The following CAMK2D variants were observed in gnomAD, a reference collection of about 807,000 sequenced individuals.
The protein encoded by CAMK2D is calcium/calmodulin dependent protein kinase II delta, also known as calcium/calmodulin-dependent protein kinase type II subunit delta.
Under a neutral mutation model 84.0 loss-of-function variants are expected in CAMK2D, and 37 were observed. That is an observed-to-expected ratio of 0.44 (90% confidence interval 0.34 to 0.58). CAMK2D has a LOEUF of 0.58. Ranked by LOEUF, CAMK2D falls within the 20% of genes least tolerant of loss-of-function variation. CAMK2D has a pLI of 0.02. For synonymous variants in CAMK2D, 202 were observed against 212.5 expected, an observed-to-expected ratio of 0.95 and a Z score of 0.43; for missense variants, 448 against 652.5, an observed-to-expected ratio of 0.69 and a Z score of 3.41.
intron 4 of CAMK2D, among the ~76,000 whole-genome samples, chr4:113,598,662 T>C (rs1212769244): frequency 1.3e-5 from 2 of 152,216 alleles, no homozygotes; most frequent in Non-Finnish European, 2.9e-5. Flanking sequence ...TTATCCAAAA[T>C]ATACAAATAA....
intron 4 of CAMK2D, among the ~76,000 whole-genome samples, chr4:113,555,933 G>A (rs915686344): frequency 3.9e-5 from 6 of 152,040 alleles, no homozygotes; most frequent in African/African-American, 7.2e-5. Context: ...TCTTTTCTCC[G>A]TGTAGAGATA....
At chr4:113,568,426 G>A (rs1561031966) in intron 4 of CAMK2D, among the ~76,000 whole-genome samples, 1 of 152,172 alleles carries the variant, frequency 6.6e-6, no homozygotes, top group Non-Finnish European at 1.5e-5. Context: ...TTTTTAAGCT[G>A]TGTAATATTG....
At chr4:113,610,503 G>C (rs947461537) in intron 3 of CAMK2D, among the ~76,000 whole-genome samples, 1 of 152,040 alleles carries the variant, frequency 6.6e-6, no homozygotes, top group Non-Finnish European at 1.5e-5. Context: ...CAATGCCCAG[G>C]CTCATAGACT....
intron 8 of CAMK2D, among the ~76,000 whole-genome samples, chr4:113,519,447 A>G (rs1318289335): frequency 6.6e-6 from 1 of 152,194 alleles, no homozygotes; most frequent in African/African-American, 2.4e-5. Context: ...GAGTGTTTAC[A>G]AAAACATGTA....
chr4:113,700,523 T>C (rs767129357), intron 2 of CAMK2D, among the ~76,000 whole-genome samples: 5 of 152,118 alleles, frequency 3.3e-5, no homozygotes, highest in Admixed American at 6.6e-5. Flanking sequence ...TAAATAGCAC[T>C]ATCAAATAAC....
At chr4:113,494,461 G>A (rs1235260024) in intron 16 of CAMK2D, among the ~76,000 whole-genome samples, 3 of 152,268 alleles carry the variant, frequency 2.0e-5, no homozygotes, top group East Asian at 1.9e-4. Flanking sequence ...CGGGGGTCAG[G>A]GGTCAGGGAC....
chr4:113,595,733 G>A (rs1345024955), intron 4 of CAMK2D, among the ~76,000 whole-genome samples: 1 of 152,130 alleles, frequency 6.6e-6, no homozygotes, highest in Non-Finnish European at 1.5e-5. Flanking sequence ...AAAACAATGT[G>A]ACATATCATA....
intron 16 of CAMK2D, among the ~76,000 whole-genome samples, chr4:113,495,369 C>G (rs2097914533): frequency 6.6e-6 from 1 of 152,168 alleles, no homozygotes; most frequent in Admixed American, 6.5e-5. Context: ...GTATGCAAGA[C>G]AAGTCCTGAA....
At chr4:113,725,657 A>T (rs972226637) in intron 2 of CAMK2D, among the ~76,000 whole-genome samples, 1 of 152,130 alleles carries the variant, frequency 6.6e-6, no homozygotes, top group Non-Finnish European at 1.5e-5. Context: ...ATGTACTATC[A>T]ACAAACCTAA....
intron 9 of CAMK2D, among the ~76,000 whole-genome samples, chr4:113,515,854 A>G (rs995759168): frequency 3.9e-5 from 6 of 152,238 alleles, no homozygotes; most frequent in Admixed American, 2.6e-4. Flanking sequence ...ATCAAATCTT[A>G]TAACTTCCCA....
intron 14 of CAMK2D, among the ~76,000 whole-genome samples, chr4:113,504,291 G>C (rs921671939): frequency 9.2e-5 from 14 of 152,170 alleles, no homozygotes; most frequent in Admixed American, 7.9e-4. Flanking sequence ...CAAAGTGTTA[G>C]ACTAATTTAG....
chr4:113,541,723 T>C (rs1590950328), intron 6 of CAMK2D, among the ~76,000 whole-genome samples: 1 of 152,330 alleles, frequency 6.6e-6, no homozygotes, highest in South Asian at 2.1e-4. Context: ...AAAATTTCTT[T>C]CCTCTATTGG....
chr4:113,641,433 A>T (rs2154294619), intron 3 of CAMK2D, among the ~76,000 whole-genome samples: 1 of 152,362 alleles, frequency 6.6e-6, no homozygotes, highest in African/African-American at 2.4e-5. Context: ...AGAGTAGTTG[A>T]GAAAATTAAA....
rs562787815 is a variant in CAMK2D at position 113,700,915 on chromosome 4, A to T, written c.161-39143T>A. On this transcript the variant is annotated intron_variant, in intron 2 of 20. Coordinates refer to ENST00000511664, the MANE Select transcript of CAMK2D (RefSeq NM_001321571.2). ...AAGGAACCTGATCCATCCTTCAGGA[A>T]ATATCCATCACAGTCCATCATCAGA... Among the ~76,000 whole-genome samples, 3 of 152,324 alleles carry T rather than the reference A, an allele frequency of 2.0e-5. No homozygotes were observed. In the South Asian group the frequency reaches 6.2e-4, roughly 32 times the overall value.
At chr4:113,550,206 G>T (rs1299928582) in intron 5 of CAMK2D, among the ~76,000 whole-genome samples, 1 of 152,074 alleles carries the variant, frequency 6.6e-6, no homozygotes, top group Admixed American at 6.6e-5. Flanking sequence ...TTGAGACAGG[G>T]TCTCACTCTG....
chr4:113,505,995 TGTAAG>T (rs1198689014), intron 13 of CAMK2D, among the ~76,000 whole-genome samples: 2 of 152,150 alleles, frequency 1.3e-5, no homozygotes, highest in Non-Finnish European at 1.5e-5. Context: ...CAAACAAAAA[TGTAAG>T]GTAACGTTCA....
intron 13 of CAMK2D, among the ~76,000 whole-genome samples, chr4:113,509,075 T>TATTTTTCTTGCAAG (rs2098172283): frequency 6.6e-6 from 1 of 152,158 alleles, no homozygotes; most frequent in African/African-American, 2.4e-5. Flanking sequence ...ATCCTGCTGT[T>TATTTTTCTTGCAAG]ATTTTTCTTG....
At chr4:113,681,443 T>C (rs1266842685) in intron 2 of CAMK2D, among the ~76,000 whole-genome samples, 3 of 152,216 alleles carry the variant, frequency 2.0e-5, no homozygotes, top group East Asian at 1.9e-4. Flanking sequence ...CCTTCCACCA[T>C]GATTGTAAGT....
intron 16 of CAMK2D, among the ~76,000 whole-genome samples, chr4:113,496,445 GC>G (rs1292581533): frequency 7.9e-6 from 1 of 126,332 alleles, no homozygotes; most frequent in Non-Finnish European, 1.7e-5. Context: ...ACTCCCATTT[GC>G]TTTTTTTTTT....
Sources: gnomAD v4.1 joint callset for allele counts (sites outside exome capture counted in the v4.1 genomes callset) on GRCh38, gnomAD v4.1.1 for gene constraint, MANE v1.5 for transcripts, NCBI Gene and HGNC (gene_info 2026-07-23, HGNC 2026-07-21) for gene names.